Variants in TTF2 observed in about 807,000 individuals in gnomAD.
TTF2 encodes RNA polymerase II termination factor.
In TTF2, 108 loss-of-function variants were observed where a neutral mutation model predicts 142.4. The ratio of observed to expected loss-of-function variants is 0.76; its 90% CI spans 0.65 to 0.89. TTF2 has a LOEUF of 0.89. TTF2 is among the 40% of genes least tolerant of loss of function. The pLI, the probability that TTF2 is intolerant of heterozygous loss-of-function variation, is 0.00. For missense variants in TTF2, 1,327 were observed against 1,379.8 expected (o/e 0.96, Z 0.61); for synonymous variants, 483 against 506.2 (o/e 0.95, Z 0.61).
At chr1:117,091,790 C>A (rs1455020395) in intron 16 of TTF2, 27 bp from the exon 17 acceptor site, 3 of 1,610,040 alleles carry the variant, frequency 1.9e-6, no homozygotes, top group Non-Finnish European at 1.7e-6. Flanking sequence ...CCTGTACCAT[C>A]CTGTGGCTTG....
rs1649854650 is a variant in TTF2, at chr1:117,105,205, C to T, written c.*3681C>T. On this transcript the variant is annotated 3_prime_UTR_variant, in exon 23 of 23. Transcript: ENST00000369466. This position sits in a 1 kb window ranked among gnomAD's most constrained non-coding sequence, Gnocchi z 4.7. ...GGACAAGGTCTGGGAATATGAGAAC[C>T]AGCAGCAGCATGGGTGCAGCTGAGA... 6.6e-6 allele frequency: 1 copy of T among 152,212 alleles called. No homozygotes were observed. Among genetic ancestry groups the T allele is most frequent in the South Asian group, 2.1e-4 (1 of 4,824 alleles). The allele number at this position is 152,212 out of a possible 1,614,324, so 9.4% of individuals were successfully genotyped here. A position where few individuals can be genotyped will look rare whatever the true frequency, so the allele number is the denominator to read the frequency against.
rs780181384 is a variant in TTF2 at position 117,090,047 on chromosome 1, C to CA, written c.2343-2dup. On this transcript the variant is annotated splice_polypyrimidine_tract_variant and splice_region_variant and intron_variant, in intron 13 of 22. Transcript: ENST00000369466. The surrounding 1 kb of genome is among the most constrained non-coding windows in gnomAD (Gnocchi z 4.8). Reference sequence around the variant, plus strand: ...CCTACTCTGTGCCCTTCTTCCTCAACAAAAAAGGTTTCTCCGTTGCTCTCC... The same window carrying CA: ...CCTACTCTGTGCCCTTCTTCCTCAACAAAAAAAGGTTTCTCCGTTGCTCTCC... The CA allele has an allele frequency of 2.0e-5, 32 of 1,611,370 alleles. No homozygotes were observed. Among genetic ancestry groups the CA allele is most frequent in the Non-Finnish European group, 1.9e-5 (22 of 1,178,630 alleles).
chr1:117,077,776 T>C (rs1657134136), intron 7 of TTF2, 140 bp from the exon 8 acceptor site: 1 of 1,191,460 alleles, frequency 8.4e-7, no homozygotes, highest in African/African-American at 1.5e-5. Flanking sequence ...TGAGAACTGC[T>C]AGAGACATGG....
intron 3 of TTF2, among the ~76,000 whole-genome samples, chr1:117,066,895 C>G (rs1462611247): frequency 2.0e-5 from 3 of 151,802 alleles, no homozygotes; most frequent in East Asian, 3.9e-4. Context: ...TAGACATGGG[C>G]TTTTGCCATG....
Position 117,097,446 on chromosome 1 carries a change from G to T in TTF2, c.3269+13G>T, listed in dbSNP as rs1296190558. The T allele has an allele frequency of 8.1e-6, 13 of 1,613,992 alleles. No homozygotes were observed. The highest frequency in any genetic ancestry group is 1.1e-5 in the Non-Finnish European group (13 of 1,179,856). On this transcript the variant is annotated intron_variant, in intron 21 of 22. Coordinates refer to ENST00000369466, the MANE Select transcript of TTF2 (RefSeq NM_003594.4). The surrounding 1 kb of genome is among the most constrained non-coding windows in gnomAD (Gnocchi z 4.1). ...TGGACATGCACTGGTAATGATTCCGGATTTGTCCTGGGTTGTCACAGCACA... is the reference window on the plus strand; with the variant it reads ...TGGACATGCACTGGTAATGATTCCGTATTTGTCCTGGGTTGTCACAGCACA...
chr1:117,065,854 G>A (rs1241753344), intron 3 of TTF2, among the ~76,000 whole-genome samples: 1 of 152,094 alleles, frequency 6.6e-6, no homozygotes, highest in Non-Finnish European at 1.5e-5. Flanking sequence ...TACTGTGGTA[G>A]TTGTTAGGAA....
intron 3 of TTF2, among the ~76,000 whole-genome samples, chr1:117,065,551 C>T (rs956279880): frequency 1.3e-5 from 2 of 151,974 alleles, no homozygotes; most frequent in Admixed American, 6.6e-5. Flanking sequence ...GAGCCGGGAT[C>T]GCGCCACCGC....
chr1:117,073,653 T>G lies in TTF2; in HGVS notation c.219-8T>G. 1 of 1,602,900 alleles carries G rather than the reference T, an allele frequency of 6.2e-7. No individual in the cohort carries two copies. The highest frequency in any genetic ancestry group is 8.5e-7 in the Non-Finnish European group (1 of 1,171,772). Reference sequence around the variant, plus strand: ...AGCCTTGATTATTTGTGTTTTATACTTCATTAGATTGTTCTTCCGATGCAT... The same window carrying G: ...AGCCTTGATTATTTGTGTTTTATACGTCATTAGATTGTTCTTCCGATGCAT... On this transcript the variant is annotated splice_region_variant and splice_polypyrimidine_tract_variant and intron_variant, in intron 3 of 22. Coordinates refer to ENST00000369466, the MANE Select transcript of TTF2 (RefSeq NM_003594.4). The surrounding 1 kb of genome is among the most constrained non-coding windows in gnomAD (Gnocchi z 4.4).
intron 13 of TTF2, 101 bp downstream of exon 13, chr1:117,089,083 T>A (rs2101118752): frequency 1.5e-6 from 2 of 1,292,916 alleles, no homozygotes; most frequent in South Asian, 3.4e-5. Flanking sequence ...CCAGATTATC[T>A]TGTTTAGGAG....
intron 13 of TTF2, among the ~76,000 whole-genome samples, chr1:117,089,448 G>A (rs1356119755): frequency 1.3e-5 from 2 of 151,982 alleles, no homozygotes; most frequent in Admixed American, 6.6e-5. Context: ...CCACACTTTG[G>A]AAGGCTGATG....
At chr1:117,088,519 G>A (rs987451132) in intron 12 of TTF2, among the ~76,000 whole-genome samples, 5 of 151,892 alleles carry the variant, frequency 3.3e-5, no homozygotes, top group East Asian at 1.9e-4. Flanking sequence ...CCTGGGCGAC[G>A]GAGCGAGACT....
intron 2 of TTF2, 45 bp from the exon 3 acceptor site, chr1:117,062,342 C>T (rs1655747051): frequency 6.3e-7 from 1 of 1,574,858 alleles, no homozygotes; most frequent in South Asian, 1.1e-5. Context: ...ATATTGATCT[C>T]TGTTCCTGAC....
At chr1:117,065,662 TAA>T (rs1656038537) in intron 3 of TTF2, among the ~76,000 whole-genome samples, 1 of 152,254 alleles carries the variant, frequency 6.6e-6, no homozygotes, top group African/African-American at 2.4e-5. Flanking sequence ...CATCTTTTGT[TAA>T]ATTTATTTCT....
chr1:117,075,406 G>T lies in TTF2; in HGVS notation c.822G>T (p.Lys274Asn), dbSNP rs764991907. Residue 274 changes from lysine (K) to asparagine (N), a missense_variant, in exon 5 of 23, where the codon AAG (lysine) becomes AAT (asparagine). Transcript: ENST00000369466. The surrounding 1 kb of genome is among the most constrained non-coding windows in gnomAD (Gnocchi z 4.5). ...TTCACAGTCACAACTCAATAAGCAA[G>T]CCCCAGAAAGGGGGACCCCTCAACA... Reference protein sequence around the residue: ...QNVHSHNSISKPQKGGPLNKE... With the variant: ...QNVHSHNSISNPQKGGPLNKE... 2.5e-6 allele frequency: 4 copies of T among 1,614,188 alleles called. No individual in the cohort carries two copies. Among genetic ancestry groups the T allele is most frequent in the Non-Finnish European group, 3.4e-6 (4 of 1,180,028 alleles).
chr1:117,101,402 G>A lies in TTF2; in HGVS notation c.3367G>A (p.Glu1123Lys). 2 of 1,598,414 alleles carry A rather than the reference G, an allele frequency of 1.3e-6. No homozygotes were observed. Among genetic ancestry groups the A allele is most frequent in the Non-Finnish European group, 1.7e-6 (2 of 1,176,238 alleles). ...TAGATTTGTTTGTGAGGGAACAGTA[G>A]AAGAAAAGATCTTACAGCTCCAAGA... ...IHRFVCEGTV[E>K]EKILQLQEKK... The change falls in exon 23 of 23, where the codon GAA becomes AAA. Residue 1123 changes from glutamate (E) to lysine (K), a missense_variant. Coordinates refer to ENST00000369466, the MANE Select transcript of TTF2 (RefSeq NM_003594.4). The surrounding 1 kb of genome is among the most constrained non-coding windows in gnomAD (Gnocchi z 5.9).
chr1:117,096,452 A>C (rs1570883595), intron 20 of TTF2, among the ~76,000 whole-genome samples, 153 bp downstream of exon 20: 1 of 152,224 alleles, frequency 6.6e-6, no homozygotes, highest in South Asian at 2.1e-4. Flanking sequence ...ATCTTGGCTC[A>C]CCGCAACCTC....
Position 117,077,944 on chromosome 1 carries a change from A to C in TTF2, c.1602A>C (p.Ala534=), listed in dbSNP as rs1282096250. 1.9e-6 allele frequency: 3 copies of C among 1,614,218 alleles called. No homozygotes were observed. Among genetic ancestry groups the C allele is most frequent in the Non-Finnish European group, 2.5e-6 (3 of 1,180,028 alleles). ...ATACAAACCAAGATCACGTTCATGC[A>C]GTGTGGAAAATCACAAGTGAAGCCA... is the stretch of plus-strand genomic sequence containing the variant. ...RGHTNQDHVH[A]VWKITSEAIG... The change falls in exon 8 of 23, where the codon GCA becomes GCC. Residue 534 remains alanine, a synonymous_variant. Coordinates refer to ENST00000369466, the MANE Select transcript of TTF2 (RefSeq NM_003594.4).
In TTF2 at chr1:117,075,654, A is replaced by T; in HGVS notation, c.1070A>T (p.Asp357Val). The stretch of plus-strand genomic sequence containing the variant: ...ACAAGCAGTGACGACGAGGAGGAAG[A>T]TGATGTTGTTTTTGTTTCCTCTAAG... ...AATSSDDEEE[D>V]DVVFVSSKPG... Residue 357 changes from aspartate (D) to valine (V), a missense_variant, in exon 5 of 23, where the codon GAT (aspartate) becomes GTT (valine). Physicochemically the swap from Asp to Val is radical, Grantham distance 152. Transcript: ENST00000369466. This position sits in a 1 kb window ranked among gnomAD's most constrained non-coding sequence, Gnocchi z 4.5. 2 of 1,614,128 alleles carry T rather than the reference A, an allele frequency of 1.2e-6. No homozygotes were observed. Among genetic ancestry groups the T allele is most frequent in the Non-Finnish European group, 1.7e-6 (2 of 1,180,008 alleles).
At chr1:117,091,738 C>G (rs1286560263) in intron 16 of TTF2, 79 bp from the exon 17 acceptor site, 2 of 1,513,476 alleles carry the variant, frequency 1.3e-6, no homozygotes, top group African/African-American at 2.8e-5. Flanking sequence ...GTTAAAGTAG[C>G]CCCATGTAGT....
Sources: allele counts gnomAD v4.1 joint callset (sites outside exome capture counted in the v4.1 genomes callset), GRCh38; gene constraint gnomAD v4.1.1; non-coding constraint Gnocchi (gnomAD v3.1); transcripts MANE v1.5; gene names NCBI Gene and HGNC (gene_info 2026-07-23, HGNC 2026-07-21).